Variants in THBS2 observed in about 807,000 individuals in gnomAD.
The protein encoded by THBS2 is thrombospondin 2.
THBS2 carries 47 observed loss-of-function variants against 135.2 expected under a neutral mutation model. The ratio of observed to expected loss-of-function variants is 0.35; its 90% CI spans 0.28 to 0.44. THBS2 has a LOEUF of 0.44. Among genes scored for constraint, THBS2 ranks in the 20% least tolerant of loss-of-function variants. THBS2 has a pLI of 1.00. For synonymous variants in THBS2, 639 were observed against 633.8 expected (o/e 1.01, Z -0.12); for missense variants, 1,288 against 1,603.1 (o/e 0.80, Z 3.36).
rs9717609 is a variant in THBS2 at position 169,252,473 on chromosome 6, G to A, written c.-23+1251C>T. 0.1 allele frequency among the ~76,000 whole-genome samples: 15,667 copies of A among 152,282 alleles called. 1,025 individuals are homozygous for A. The highest frequency in any genetic ancestry group is 0.15 in the Non-Finnish European group (10,025 of 68,004). On this transcript the variant is annotated intron_variant, in intron 1 of 21. Transcript: ENST00000617924. This position sits in a 1 kb window ranked among gnomAD's most constrained non-coding sequence, Gnocchi z 4.3. ...CAGCCAAGAACAGGATGGTAAATGCGAAAGTTCTGGATGCCCAGCTTCATA... is the reference window on the plus strand; with the variant it reads ...CAGCCAAGAACAGGATGGTAAATGCAAAAGTTCTGGATGCCCAGCTTCATA...
rs1262150854 is a variant in THBS2 at position 169,232,835 on chromosome 6, A to T, written c.1780-19T>A. On this transcript the variant is annotated intron_variant, in intron 11 of 21. Transcript: ENST00000617924. ...GGGCACACTGCGGGGACAAGCAGAC[A>T]TGAGAGGCCGCTCCCGACCTCAGGG... is the stretch of plus-strand genomic sequence containing the variant. The T allele has an allele frequency of 6.2e-7, 1 of 1,610,408 alleles. No homozygotes were observed. Among genetic ancestry groups the T allele is most frequent in the South Asian group, 1.1e-5 (1 of 90,638 alleles).
chr6:169,252,861 T>C lies in THBS2; in HGVS notation c.-23+863A>G, dbSNP rs547879756. 2.6e-5 allele frequency among the ~76,000 whole-genome samples: 4 copies of C among 152,326 alleles called. No homozygotes were observed. In the South Asian group the frequency reaches 8.3e-4, roughly 32 times the overall value. ...TTTGCAAAGGTCTTTTAAAACTCTT[T>C]TCGTATGAACAATCAAAGTAAAAGA... On this transcript the variant is annotated intron_variant, in intron 1 of 21. Coordinates refer to ENST00000617924, the MANE Select transcript of THBS2 (RefSeq NM_003247.5). This position sits in a 1 kb window ranked among gnomAD's most constrained non-coding sequence, Gnocchi z 4.3.
intron 4 of THBS2, among the ~76,000 whole-genome samples, chr6:169,242,623 A>C (rs1477609454): frequency 3.4e-5 from 1 of 29,274 alleles, no homozygotes; most frequent in Non-Finnish European, 6.9e-5. Context: ...CACCGCTCCC[A>C]CCTTCCCACC....
intron 17 of THBS2, 115 bp from the exon 18 acceptor site, chr6:169,223,590 A>C: frequency 1.3e-6 from 1 of 778,736 alleles, no homozygotes; most frequent in Non-Finnish European, 2.1e-6. Flanking sequence ...CTTTCCCAGA[A>C]CATCTAAGAC....
chr6:169,216,627 C>CAT lies in THBS2; in HGVS notation c.*1193_*1194dup, dbSNP rs1307195191. The stretch of plus-strand genomic sequence containing the variant: ...ATTTAAGGTTCCATCATAAACTCCT[C>CAT]ATTATTCTCTATGTATTCTGTTACA... On this transcript the variant is annotated 3_prime_UTR_variant, in exon 22 of 22. Coordinates refer to ENST00000617924, the MANE Select transcript of THBS2 (RefSeq NM_003247.5). 1 of 152,110 alleles carries CAT rather than the reference C, an allele frequency of 6.6e-6. No homozygotes were observed. Among genetic ancestry groups the CAT allele is most frequent in the Non-Finnish European group, 1.5e-5 (1 of 68,042 alleles). The allele number at this position is 152,110 out of a possible 1,614,324, so 9.4% of individuals were successfully genotyped here.
chr6:169,237,477 C>T, intron 8 of THBS2, 131 bp from the exon 9 acceptor site: 1 of 1,483,924 alleles, frequency 6.7e-7, no homozygotes. Flanking sequence ...CTCCCATCAG[C>T]TGGGAGAAAG....
chr6:169,224,886 AG>A (rs1223949985), intron 17 of THBS2, among the ~76,000 whole-genome samples: 2 of 152,206 alleles, frequency 1.3e-5, no homozygotes, highest in Non-Finnish European at 2.9e-5. Context: ...ATATGGAGGC[AG>A]GGATTTCTCC....
At chr6:169,242,821 C>T (rs1216552815) in intron 4 of THBS2, among the ~76,000 whole-genome samples, 5 of 108,428 alleles carry the variant, frequency 4.6e-5, no homozygotes, top group Non-Finnish European at 7.6e-5. Context: ...CCACCACTCC[C>T]ACCTTCCCAC....
Position 169,237,356 on chromosome 6 carries a change from G to A in THBS2, c.1301-10C>T, listed in dbSNP as rs374543663. ...CCGCCGTCCTGCCGGACTAACACAA[G>A]AAGCGGAGAGAGATCAGGCTGTGCC... On this transcript the variant is annotated splice_polypyrimidine_tract_variant and intron_variant, in intron 8 of 21. Transcript: ENST00000617924. 39 of 1,612,888 alleles carry A rather than the reference G, an allele frequency of 2.4e-5. No homozygotes were observed. Among genetic ancestry groups the A allele is most frequent in the Non-Finnish European group, 3.1e-5 (36 of 1,180,008 alleles).
chr6:169,226,535 G>A (rs1779637627), intron 15 of THBS2, among the ~76,000 whole-genome samples: 4 of 152,136 alleles, frequency 2.6e-5, no homozygotes, highest in Admixed American at 2.0e-4. Context: ...ACCAACTTTT[G>A]GAGATTTCTG....
Position 169,241,625 on chromosome 6 carries a change from C to T in THBS2, c.891+137G>A. Reference sequence around the variant, plus strand: ...AGGATCCTGAGGAGCCCGGCAGACACCTCCCCTGTGAACTGTGGGTTTTTA... The same window carrying T: ...AGGATCCTGAGGAGCCCGGCAGACATCTCCCCTGTGAACTGTGGGTTTTTA... On this transcript the variant is annotated intron_variant, in intron 5 of 21. Transcript: ENST00000617924. The surrounding 1 kb of genome is among the most constrained non-coding windows in gnomAD (Gnocchi z 5.5). The T allele has an allele frequency of 1.2e-6, 1 of 852,974 alleles. No homozygotes were observed. Among genetic ancestry groups the T allele is most frequent in the Admixed American group, 2.4e-5 (1 of 41,686 alleles). 52.8% of individuals were successfully genotyped at this position (852,974 alleles called of 1,614,324 possible). A position where few individuals can be genotyped will look rare whatever the true frequency, so the allele number is the denominator to read the frequency against.
rs567558542 is a variant in THBS2, at chr6:169,237,150, C to A, written c.1477+20G>T. ...GCCTGCAAGCCCGCCCACCCAGGGC[C>A]CCGCCTTCACCGTACTTACTTGGGC... On this transcript the variant is annotated intron_variant, in intron 9 of 21. Coordinates refer to ENST00000617924, the MANE Select transcript of THBS2 (RefSeq NM_003247.5). The A allele has an allele frequency of 4.3e-5, 69 of 1,589,696 alleles. No homozygotes were observed. Among genetic ancestry groups the A allele is most frequent in the Non-Finnish European group, 5.4e-5 (63 of 1,172,266 alleles).
At chr6:169,250,053 A>G (rs1780702095) in intron 2 of THBS2, among the ~76,000 whole-genome samples, 1 of 152,038 alleles carries the variant, frequency 6.6e-6, no homozygotes, top group African/African-American at 2.4e-5. Context: ...AAAGTAATAC[A>G]CTGAACAGAA....
chr6:169,229,713 C>T, intron 13 of THBS2, 34 bp from the exon 14 acceptor site: 1 of 1,564,158 alleles, frequency 6.4e-7, no homozygotes, highest in Non-Finnish European at 8.8e-7. Context: ...CTTGGAAAAA[C>T]ATTTAGGAAA....
chr6:169,221,483 G>A lies in THBS2; in HGVS notation c.3318C>T (p.Asp1106=). 6.2e-7 allele frequency: 1 copy of A among 1,614,010 alleles called. No individual in the cohort carries two copies. The highest frequency in any genetic ancestry group is 8.5e-7 in the Non-Finnish European group (1 of 1,180,020). Reference sequence around the variant, plus strand: ...TCAGGTGCCACCTATAGGCCGTGTAGTCCTTCCAGCCAATGTTCCTGGGGT... The same window carrying A: ...TCAGGTGCCACCTATAGGCCGTGTAATCCTTCCAGCCAATGTTCCTGGGGT... The part of the protein sequence containing the change: ...WHDPRNIGWK[D]YTAYRWHLTH... The change falls in exon 20 of 22, where the codon GAC becomes GAT. Residue 1106 remains aspartate, a synonymous_variant. Transcript: ENST00000617924.
At chr6:169,240,217 G>A (rs1780240507) in intron 6 of THBS2, among the ~76,000 whole-genome samples, 1 of 152,172 alleles carries the variant, frequency 6.6e-6, no homozygotes, top group African/African-American at 2.4e-5. Flanking sequence ...AACTGGGGAC[G>A]CTGGCCAGGT....
intron 7 of THBS2, among the ~76,000 whole-genome samples, chr6:169,238,268 A>T (rs921792939): frequency 1.9e-4 from 29 of 152,254 alleles, no homozygotes; most frequent in African/African-American, 7.0e-4. Context: ...CTTATTTCCA[A>T]GTAAACTGAA....
Position 169,219,941 on chromosome 6 carries a change from C to A in THBS2, c.3511+257G>T, listed in dbSNP as rs1345373133. ...ATCTAGGAAACTCTAGGCTATGGCA[C>A]AATGAGGATGGGTGGGACCTGTAAA... On this transcript the variant is annotated intron_variant, in intron 21 of 21. Transcript: ENST00000617924. 6.7e-6 allele frequency: 4 copies of A among 596,300 alleles called. No individual in the cohort carries two copies. The Admixed American group carries it at 9.4e-5, about 14-fold the overall frequency. The allele number at this position is 596,300 out of a possible 1,614,324, so 36.9% of individuals were successfully genotyped here.
intron 13 of THBS2, 39 bp downstream of exon 13, chr6:169,231,941 C>T (rs755242673): frequency 8.1e-6 from 13 of 1,603,124 alleles, no homozygotes; most frequent in South Asian, 6.6e-5. Context: ...GAGGGCTGAC[C>T]GCCGTGGCCC....
Sources: allele counts gnomAD v4.1 joint callset (sites outside exome capture counted in the v4.1 genomes callset), GRCh38; gene constraint gnomAD v4.1.1; non-coding constraint Gnocchi (gnomAD v3.1); transcripts MANE v1.5; gene names NCBI Gene and HGNC (gene_info 2026-07-23, HGNC 2026-07-21).